BICC1: variants seen among roughly 807,000 people sequenced by gnomAD.
BICC1 encodes the protein protein bicaudal C homolog 1.
BICC1 carries 43 observed loss-of-function variants against 111.0 expected under a neutral mutation model. That is an observed-to-expected ratio of 0.39 (90% CI 0.30 to 0.50). BICC1 has a LOEUF of 0.50. Among genes scored for constraint, BICC1 ranks in the 20% least tolerant of loss-of-function variants. The probability of loss-of-function intolerance (pLI) is 0.88; values close to 1 mark genes in which losing one functional copy is unlikely to be tolerated. For synonymous variants in BICC1, 467 were observed against 434.4 expected (o/e 1.07, Z -0.93); for missense variants, 1,091 against 1,203.2 (o/e 0.91, Z 1.38).
At chr10:58,543,307 T>C (rs1237333893) in intron 1 of BICC1, among the ~76,000 whole-genome samples, 2 of 152,044 alleles carry the variant, frequency 1.3e-5, no homozygotes, top group Admixed American at 6.6e-5. Context: ...GTATCTAAAA[T>C]AGCCATACTC....
At chr10:58,770,767 C>T (rs573862182) in intron 3 of BICC1, among the ~76,000 whole-genome samples, 85 of 152,308 alleles carry the variant, frequency 5.6e-4, no homozygotes, top group African/African-American at 1.9e-3. Flanking sequence ...TTAAAAGTCA[C>T]TCTGCACCAG....
chr10:58,612,431 A>G (rs1588927423), intron 1 of BICC1, among the ~76,000 whole-genome samples: 1 of 152,210 alleles, frequency 6.6e-6, no homozygotes, highest in Admixed American at 6.5e-5. Context: ...AATAAAATAT[A>G]TGGCATAGCT....
chr10:58,752,772 C>T (rs141912463), intron 3 of BICC1, among the ~76,000 whole-genome samples: 153 of 152,288 alleles, frequency 1.0e-3, no homozygotes, highest in Middle Eastern at 6.8e-3. Flanking sequence ...TTACCATGCA[C>T]TTTCATTCGT....
chr10:58,767,848 A>G (rs1842500961), intron 3 of BICC1, among the ~76,000 whole-genome samples: 1 of 152,062 alleles, frequency 6.6e-6, no homozygotes, highest in Admixed American at 6.6e-5. Context: ...GAGAGAGTCA[A>G]CAGCAGATTC....
intron 1 of BICC1, among the ~76,000 whole-genome samples, chr10:58,574,151 C>T (rs1435264369): frequency 6.6e-6 from 1 of 152,136 alleles, no homozygotes; most frequent in African/African-American, 2.4e-5. Flanking sequence ...CAGAACCATC[C>T]TACAGGCATT....
At chr10:58,710,502 C>T (rs1461057056) in intron 3 of BICC1, among the ~76,000 whole-genome samples, 3 of 152,118 alleles carry the variant, frequency 2.0e-5, no homozygotes, top group African/African-American at 7.2e-5. Context: ...CCTCTTTTTT[C>T]AGGGGAAATT....
chr10:58,714,058 ACATCCTACCC>A, intron 3 of BICC1, among the ~76,000 whole-genome samples: 1 of 152,250 alleles, frequency 6.6e-6, no homozygotes, highest in Admixed American at 6.5e-5. Flanking sequence ...CCGCTGCTAA[ACATCCTACCC>A]TGCAGAAGAC....
At chr10:58,689,553 C>T (rs1839853193) in intron 2 of BICC1, among the ~76,000 whole-genome samples, 1 of 152,170 alleles carries the variant, frequency 6.6e-6, no homozygotes, top group Non-Finnish European at 1.5e-5. Context: ...AGTCTGGATT[C>T]TGAAAGGAGC....
chr10:58,680,703 C>A (rs972370249), intron 2 of BICC1, among the ~76,000 whole-genome samples: 1 of 152,180 alleles, frequency 6.6e-6, no homozygotes, highest in Non-Finnish European at 1.5e-5. Flanking sequence ...CCAAAAAGAG[C>A]CTGTATAGCC....
chr10:58,634,055 C>T (rs1391402718), intron 2 of BICC1, among the ~76,000 whole-genome samples: 4 of 143,760 alleles, frequency 2.8e-5, no homozygotes, highest in East Asian at 2.0e-4. Flanking sequence ...AGTGCAATGG[C>T]GCAATGTCAG....
At chr10:58,805,875 A>C (rs1463232551) in intron 15 of BICC1, among the ~76,000 whole-genome samples, 1 of 152,180 alleles carries the variant, frequency 6.6e-6, no homozygotes, top group African/African-American at 2.4e-5. Context: ...TATCTGCACT[A>C]CTTTCTTCAA....
intron 3 of BICC1, among the ~76,000 whole-genome samples, chr10:58,720,193 CTG>C (rs1372537260): frequency 5.9e-5 from 9 of 152,228 alleles, no homozygotes; most frequent in African/African-American, 2.2e-4. Context: ...CCAAAACAAA[CTG>C]AAATAGTATC....
intron 1 of BICC1, among the ~76,000 whole-genome samples, chr10:58,611,669 T>C (rs527751633): frequency 6.6e-6 from 1 of 152,034 alleles, no homozygotes; most frequent in South Asian, 2.1e-4. Flanking sequence ...TTTGTATTTT[T>C]AGTGGAGACA....
chr10:58,709,134 G>A (rs1840492543), intron 3 of BICC1, among the ~76,000 whole-genome samples: 1 of 152,086 alleles, frequency 6.6e-6, no homozygotes, highest in Admixed American at 6.5e-5. Context: ...ACCCTACAGT[G>A]CTACAGAACA....
At chr10:58,739,256 A>G (rs1841575917) in intron 3 of BICC1, among the ~76,000 whole-genome samples, 2 of 152,146 alleles carry the variant, frequency 1.3e-5, no homozygotes, top group African/African-American at 4.8e-5. Context: ...GATGCGTCCC[A>G]TCAATACCTA....
At chr10:58,805,675 A>G (rs1007445537) in intron 15 of BICC1, among the ~76,000 whole-genome samples, 1 of 152,162 alleles carries the variant, frequency 6.6e-6, no homozygotes, top group Admixed American at 6.5e-5. Context: ...CACCTTCAGA[A>G]ATGTCCTGTT....
At chr10:58,601,168 A>ATATATATATC (rs1182289120) in intron 1 of BICC1, among the ~76,000 whole-genome samples, 3 of 139,342 alleles carry the variant, frequency 2.2e-5, no homozygotes, top group Non-Finnish European at 3.1e-5. Flanking sequence ...ATATATATAT[A>ATATATATATC]TATCTCCCAA....
rs952007674 is a variant in BICC1, at chr10:58,830,554, G to A, written c.*1663G>A. The A allele has an allele frequency of 3.3e-4, 50 of 152,276 alleles. No individual in the cohort carries two copies. Among genetic ancestry groups the A allele is most frequent in the African/African-American group, 1.2e-3 (49 of 41,568 alleles). 9.4% of individuals were successfully genotyped at this position (152,276 alleles called of 1,614,324 possible). On this transcript the variant is annotated 3_prime_UTR_variant, in exon 21 of 21. Coordinates refer to ENST00000373886, the MANE Select transcript of BICC1 (RefSeq NM_001080512.3). ...TTGCCTGACACTTTTCCATGGCTGA[G>A]TCTGACCATTACAGTAAGAACAAGA...
intron 3 of BICC1, among the ~76,000 whole-genome samples, chr10:58,755,111 G>A (rs1241115798): frequency 6.9e-6 from 1 of 145,488 alleles, no homozygotes; most frequent in East Asian, 2.3e-4. Context: ...TCAGATCACA[G>A]GATTTTTCTT....
Sources: gnomAD v4.1 joint callset for allele counts (sites outside exome capture counted in the v4.1 genomes callset) on GRCh38, gnomAD v4.1.1 for gene constraint, MANE v1.5 for transcripts, NCBI Gene and HGNC (gene_info 2026-07-23, HGNC 2026-07-21) for gene names.